The following RPS6KA5 variants were observed in gnomAD, a reference collection of about 807,000 sequenced individuals.
RPS6KA5 encodes ribosomal protein S6 kinase alpha-5.
RPS6KA5 carries 27 observed loss-of-function variants against 85.5 expected under a neutral mutation model. The observed-to-expected ratio is 0.32, with a 90% CI of 0.23 to 0.44. The LOEUF is 0.44. Among genes scored for constraint, RPS6KA5 ranks in the 20% least tolerant of loss-of-function variants. The pLI is 1.00. For synonymous variants in RPS6KA5, 334 were observed against 348.2 expected (o/e 0.96, Z 0.46); for missense variants, 811 against 980.9 (o/e 0.83, Z 2.31).
intron 16 of RPS6KA5, among the ~76,000 whole-genome samples, 164 bp from the exon 17 acceptor site, chr14:90,872,486 G>A (rs745590957): frequency 7.9e-5 from 12 of 152,010 alleles, no homozygotes; most frequent in Non-Finnish European, 1.6e-4. Context: ...CTATTGGCAG[G>A]GTGGAGAAGT....
At chr14:90,883,983 G>A (rs574691442) in intron 14 of RPS6KA5, among the ~76,000 whole-genome samples, 17 of 152,238 alleles carry the variant, frequency 1.1e-4, no homozygotes, top group Non-Finnish European at 1.0e-4. Flanking sequence ...CTGAATGTCT[G>A]GCTCCCAAAG....
chr14:90,971,707 A>G (rs879352012), intron 3 of RPS6KA5, among the ~76,000 whole-genome samples: 1 of 152,262 alleles, frequency 6.6e-6, no homozygotes, highest in Non-Finnish European at 1.5e-5. Context: ...AGAAGTCTAC[A>G]GTGAGCCATA....
At chr14:91,059,139 C>A (rs897421140) in intron 1 of RPS6KA5, among the ~76,000 whole-genome samples, 33 of 151,840 alleles carry the variant, frequency 2.2e-4, no homozygotes, top group African/African-American at 7.0e-4. Context: ...ACCAGCCTGA[C>A]CAACGTGGAG....
intron 14 of RPS6KA5, among the ~76,000 whole-genome samples, chr14:90,880,274 A>C (rs2140158083): frequency 6.6e-6 from 1 of 152,254 alleles, no homozygotes; most frequent in East Asian, 1.9e-4. Flanking sequence ...ATTAAATAAT[A>C]ACTCCCCATT....
At chr14:90,909,666 A>G (rs1042448183) in intron 7 of RPS6KA5, among the ~76,000 whole-genome samples, 26 of 152,354 alleles carry the variant, frequency 1.7e-4, no homozygotes, top group African/African-American at 5.8e-4. Context: ...GCCTAGCCAC[A>G]TATTACAATG....
chr14:90,941,223 T>A (rs2037554951), intron 5 of RPS6KA5, among the ~76,000 whole-genome samples: 1 of 152,214 alleles, frequency 6.6e-6, no homozygotes, highest in Non-Finnish European at 1.5e-5. Flanking sequence ...CAAAACTATT[T>A]TTTTTAAATG....
Position 90,894,550 on chromosome 14 carries a change from C to T in RPS6KA5, c.1507G>A (p.Gly503Arg). ...TTAATGCGCTCAAACAGTTCTCCTC[C>T]ATTCAGAAGTTCCATCACTAGAAAC... ...HTFLVMELLN[G>R]GELFERIKKK... The change falls in exon 13 of 17, where the codon GGA becomes AGA. Residue 503 changes from glycine to arginine, a missense_variant. Gly to Arg is a moderately radical substitution (Grantham distance 125, BLOSUM62 -2). Around this residue, in one of 3 missense-constraint regions of RPS6KA5, gnomAD observed 650 missense variants for 793.4 expected, o/e 0.82. Coordinates refer to ENST00000614987, the MANE Select transcript of RPS6KA5 (RefSeq NM_004755.4). 6.2e-7 allele frequency: 1 copy of T among 1,614,132 alleles called. No homozygotes were observed. The highest frequency in any genetic ancestry group is 1.1e-5 in the South Asian group (1 of 91,078).
At chr14:90,938,588 G>C (rs1312377862) in intron 5 of RPS6KA5, among the ~76,000 whole-genome samples, 16 of 152,182 alleles carry the variant, frequency 1.1e-4, no homozygotes. Context: ...CACATCCTTT[G>C]AAATCTAGGC....
At chr14:90,951,617 G>T (rs1169986127) in intron 3 of RPS6KA5, among the ~76,000 whole-genome samples, 1 of 152,144 alleles carries the variant, frequency 6.6e-6, no homozygotes, top group Non-Finnish European at 1.5e-5. Flanking sequence ...TTTAATAATA[G>T]ACTGGGCACC....
rs201667401 is a variant in RPS6KA5 at position 90,993,480 on chromosome 14, GAAC to G, written c.175+7605_175+7607del. Among the ~76,000 whole-genome samples, 670 of 152,124 alleles carry G rather than the reference GAAC, an allele frequency of 4.4e-3. 4 individuals are homozygous for G. Among genetic ancestry groups the G allele is most frequent in the African/African-American group, 0.015 (615 of 41,488 alleles). On this transcript the variant is annotated intron_variant, in intron 2 of 16. Coordinates refer to ENST00000614987, the MANE Select transcript of RPS6KA5 (RefSeq NM_004755.4). ...ACAGAGCAAGACTCCGTCTCAAAAA[GAAC>G]AACAACAACAACAAGTGTCTTTTTG...
chr14:90,937,217 G>A lies in RPS6KA5; in HGVS notation c.618+5861C>T, dbSNP rs1284248092. On this transcript the variant is annotated intron_variant, in intron 5 of 16. Coordinates refer to ENST00000614987, the MANE Select transcript of RPS6KA5 (RefSeq NM_004755.4). Reference sequence around the variant, plus strand: ...GGCAGTCAAATAAAGTAACTAAAAAGTATTAATATGCACGTCAATGGTAAC... The same window carrying A: ...GGCAGTCAAATAAAGTAACTAAAAAATATTAATATGCACGTCAATGGTAAC... Among the ~76,000 whole-genome samples the A allele has an allele frequency of 3.9e-5, 6 of 152,076 alleles. No homozygotes were observed. The East Asian group carries it at 1.2e-3, about 29-fold the overall frequency.
intron 1 of RPS6KA5, among the ~76,000 whole-genome samples, chr14:91,019,026 T>G (rs2041622965): frequency 6.6e-6 from 1 of 152,044 alleles, no homozygotes; most frequent in African/African-American, 2.4e-5. Flanking sequence ...TTTTGCACCC[T>G]CTTCTAGGGA....
chr14:90,889,999 G>A (rs2034462585), intron 14 of RPS6KA5, among the ~76,000 whole-genome samples: 1 of 152,116 alleles, frequency 6.6e-6, no homozygotes, highest in Non-Finnish European at 1.5e-5. Flanking sequence ...AATCACAGCA[G>A]CCAAGGACAT....
intron 14 of RPS6KA5, among the ~76,000 whole-genome samples, chr14:90,882,236 C>T (rs1195766517): frequency 6.6e-6 from 1 of 152,180 alleles, no homozygotes. Context: ...ATCAGTTTAA[C>T]TTTAATAATG....
At chr14:91,037,269 AT>A (rs1374218567) in intron 1 of RPS6KA5, among the ~76,000 whole-genome samples, 1 of 152,188 alleles carries the variant, frequency 6.6e-6, no homozygotes, top group African/African-American at 2.4e-5. Context: ...GTCAACTAAC[AT>A]CCTAGTTGGC....
At position 91,060,549 on chromosome 14, in the gene RPS6KA5, AGAACTCG is replaced by A; in HGVS notation, c.-122_-116del. 1 of 1,198,686 alleles carries A rather than the reference AGAACTCG, an allele frequency of 8.3e-7. No individual in the cohort carries two copies. 74.3% of individuals were successfully genotyped at this position (1,198,686 alleles called of 1,614,324 possible). ...CCAGGAGTCGGGGTGCGGCGGCTCC[AGAACTCG>A]GACGCAAAGACGAGTCTCTTTCCCG... On this transcript the variant is annotated 5_prime_UTR_variant, in exon 1 of 17. Transcript: ENST00000614987.
At position 90,896,837 on chromosome 14, in the gene RPS6KA5, C is replaced by T. The variant is rs147842459; in HGVS notation, c.1474-2254G>A. Reference sequence around the variant, plus strand: ...CCAAGTTCAACGGATTATCCCACCTCAGCCTCCAGAGTAGCTAGGACTACA... The same window carrying T: ...CCAAGTTCAACGGATTATCCCACCTTAGCCTCCAGAGTAGCTAGGACTACA... On this transcript the variant is annotated intron_variant, in intron 12 of 16. Transcript: ENST00000614987. Among the ~76,000 whole-genome samples, 568 of 152,254 alleles carry T rather than the reference C, an allele frequency of 3.7e-3. 4 individuals are homozygous for T. Among genetic ancestry groups the T allele is most frequent in the African/African-American group, 0.013 (536 of 41,516 alleles).
chr14:91,043,911 C>T (rs902127439), intron 1 of RPS6KA5, among the ~76,000 whole-genome samples: 1 of 152,164 alleles, frequency 6.6e-6, no homozygotes, highest in Non-Finnish European at 1.5e-5. Context: ...GGTCCTAAAT[C>T]AACTGACCTT....
intron 5 of RPS6KA5, among the ~76,000 whole-genome samples, chr14:90,926,645 G>GTATA (rs879470923): frequency 3.6e-5 from 5 of 140,004 alleles, no homozygotes; most frequent in Non-Finnish European, 4.6e-5. Context: ...ATATGTATGT[G>GTATA]TATATATATA....
Sources: gnomAD v4.1 joint callset for allele counts (sites outside exome capture counted in the v4.1 genomes callset) on GRCh38, gnomAD v4.1.1 for gene constraint, gnomAD v4.1.1 regional missense constraint, MANE v1.5 for transcripts, NCBI Gene and HGNC (gene_info 2026-07-23, HGNC 2026-07-21) for gene names.